The following ZC4H2 variants were observed in gnomAD, a reference collection of about 807,000 sequenced individuals.
ZC4H2 encodes zinc finger C4H2 domain-containing protein.
For synonymous variants in ZC4H2, 84 were observed against 66.3 expected (o/e 1.27, Z -1.30); for missense variants, 137 against 173.9 (o/e 0.79, Z 1.19).
At chrX:65,034,085 T>A (rs1348022573) in intron 1 of ZC4H2, among the ~76,000 whole-genome samples, 4 of 68,614 alleles carry the variant, frequency 5.8e-5, no homozygotes, top group African/African-American at 1.6e-4. Flanking sequence ...TAAGACTTTG[T>A]CAAAAAAAAA....
chrX:64,990,742 C>T (rs368741197), intron 1 of ZC4H2, among the ~76,000 whole-genome samples: 2 of 111,182 alleles, frequency 1.8e-5, no homozygotes, highest in South Asian at 7.6e-4. Context: ...GTAGACCCAG[C>T]CCTCAGTGAA....
chrX:65,022,211 G>A (rs1169650180), intron 1 of ZC4H2, among the ~76,000 whole-genome samples: 1 of 111,726 alleles, frequency 9.0e-6, no homozygotes, highest in Non-Finnish European at 1.9e-5. Flanking sequence ...AAACCTGGCA[G>A]AGACACACAA....
At chrX:64,935,819 C>T (rs1456402326) in intron 1 of ZC4H2, among the ~76,000 whole-genome samples, 1 of 111,101 alleles carries the variant, frequency 9.0e-6, no homozygotes, top group Admixed American at 9.6e-5. Context: ...ACATAAAAAC[C>T]AAAGGTAAAT....
At chrX:64,990,856 C>G (rs981434932) in intron 1 of ZC4H2, among the ~76,000 whole-genome samples, 14 of 111,737 alleles carry the variant, frequency 1.3e-4, no homozygotes, top group African/African-American at 4.2e-4. Context: ...TCCTCCTCCC[C>G]AACTTCTTTC....
intron 1 of ZC4H2, among the ~76,000 whole-genome samples, chrX:64,958,023 C>A (rs1931224758): frequency 9.0e-6 from 1 of 111,383 alleles, no homozygotes; most frequent in Non-Finnish European, 1.9e-5. Flanking sequence ...TTCTGGAATA[C>A]CTCCTGGAAG....
chrX:64,935,455 C>T (rs1237531945), intron 1 of ZC4H2, among the ~76,000 whole-genome samples: 1 of 112,223 alleles, frequency 8.9e-6, no homozygotes, highest in Non-Finnish European at 1.9e-5. Flanking sequence ...GACCTCCCAG[C>T]ACAGCATTCA....
rs1299603534 is a variant in ZC4H2, at chrX:65,032,778, C to CTTCCTTCT, written c.-272+1850_-272+1851insAGAAGGAA. Reference sequence around the variant, plus strand: ...CCTTCCTTCCTTCCTTCCTTCCTTCCTTCTTTCTTTTTTTTGGGGGACGGA... The same window carrying CTTCCTTCT: ...CCTTCCTTCCTTCCTTCCTTCCTTCCTTCCTTCTTTCTTTCTTTTTTTTGGGGGACGGA... On this transcript the variant is annotated intron_variant, in intron 1 of 4. Coordinates refer to the ZC4H2 transcript ENST00000337990. 9.1e-3 allele frequency among the ~76,000 whole-genome samples: 926 copies of CTTCCTTCT among 101,380 alleles called. 11 individuals are homozygous for CTTCCTTCT. The highest frequency in any genetic ancestry group is 0.031 in the African/African-American group (833 of 27,120). 88.0% of individuals were successfully genotyped at this position (101,380 alleles called of 115,157 possible).
At chrX:64,994,860 C>T (rs890638757) in intron 1 of ZC4H2, among the ~76,000 whole-genome samples, 3 of 110,214 alleles carry the variant, frequency 2.7e-5, no homozygotes, top group South Asian at 3.8e-4. Context: ...ACACACATTG[C>T]AAAACAAACA....
chrX:64,962,589 A>G, intron 1 of ZC4H2, among the ~76,000 whole-genome samples: 1 of 111,852 alleles, frequency 8.9e-6, no homozygotes, highest in Middle Eastern at 4.6e-3. Flanking sequence ...CAAAATTGAG[A>G]AGGAAATGGT....
intron 1 of ZC4H2, among the ~76,000 whole-genome samples, chrX:64,952,153 G>T (rs1405721736): frequency 9.1e-6 from 1 of 110,442 alleles, no homozygotes; most frequent in Non-Finnish European, 1.9e-5. Flanking sequence ...CTGTTCCATT[G>T]ATCTATATCT....
chrX:64,959,710 T>C (rs1931302519), intron 1 of ZC4H2, among the ~76,000 whole-genome samples: 1 of 109,249 alleles, frequency 9.2e-6, no homozygotes, highest in African/African-American at 3.3e-5. Flanking sequence ...TGGACATAAT[T>C]CAGTTTAAGA....
At chrX:65,005,187 C>T (rs771395446) in intron 1 of ZC4H2, among the ~76,000 whole-genome samples, 33 of 111,868 alleles carry the variant, frequency 2.9e-4, no homozygotes, top group African/African-American at 1.1e-3. Flanking sequence ...ATGCTACCCC[C>T]ATCAAGCTAC....
intron 1 of ZC4H2, among the ~76,000 whole-genome samples, chrX:64,970,115 C>T (rs1240999881): frequency 8.9e-6 from 1 of 111,852 alleles, no homozygotes; most frequent in Non-Finnish European, 1.9e-5. Context: ...ACTGAATGAA[C>T]ACAAAGGAGC....
chrX:64,929,047 C>A (rs1054658641), intron 1 of ZC4H2, among the ~76,000 whole-genome samples: 1 of 109,038 alleles, frequency 9.2e-6, no homozygotes, highest in African/African-American at 3.3e-5. Context: ...AGCCACCGTG[C>A]CAGCTAATTT....
intron 1 of ZC4H2, among the ~76,000 whole-genome samples, chrX:64,926,534 C>T (rs1929428937): frequency 8.9e-6 from 1 of 112,039 alleles, no homozygotes; most frequent in South Asian, 3.8e-4. Flanking sequence ...AGTCCCTCCA[C>T]CTGGCCAACT....
intron 1 of ZC4H2, among the ~76,000 whole-genome samples, chrX:64,945,394 G>T (rs1055349130): frequency 1.8e-5 from 2 of 111,443 alleles, no homozygotes; most frequent in African/African-American, 3.3e-5. Flanking sequence ...TATTAGCCTG[G>T]GTATCACCAG....
At chrX:64,927,263 C>T (rs974290118) in intron 1 of ZC4H2, among the ~76,000 whole-genome samples, 1 of 110,716 alleles carries the variant, frequency 9.0e-6, no homozygotes, top group Non-Finnish European at 1.9e-5. Context: ...AGGTATTTCT[C>T]CTAATGCTAT....
chrX:64,987,072 C>T (rs1021840689), intron 1 of ZC4H2, among the ~76,000 whole-genome samples: 6 of 108,293 alleles, frequency 5.5e-5, no homozygotes, highest in African/African-American at 1.4e-4. Flanking sequence ...GGACTACAGG[C>T]GCCCGCCACC....
In ZC4H2 at chrX:65,009,977, C is replaced by G. The variant is rs148319591; in HGVS notation, c.-272+24652G>C. Among the ~76,000 whole-genome samples the G allele has an allele frequency of 8.7e-4, 98 of 112,144 alleles. 1 individual carries two copies. The East Asian group carries it at 0.026, about 30-fold the overall frequency. ...TAGGTAGGAATGCCTGGAGCAGTCA[C>G]ATTTAATGCCAGAATTTGTGAAGAC... On this transcript the variant is annotated intron_variant, in intron 1 of 4. Coordinates refer to the ZC4H2 transcript ENST00000337990.
Sources: gnomAD v4.1 joint callset for allele counts (sites outside exome capture counted in the v4.1 genomes callset) on GRCh38, gnomAD v4.1.1 for gene constraint, MANE v1.5 for transcripts, NCBI Gene and HGNC (gene_info 2026-07-23, HGNC 2026-07-21) for gene names.